The following PCBD2 variants were observed in gnomAD, a reference collection of about 807,000 sequenced individuals.
The protein encoded by PCBD2 is pterin-4 alpha-carbinolamine dehydratase 2.
In PCBD2, 12 loss-of-function variants were observed where a neutral mutation model predicts 16.4. The observed-to-expected ratio is 0.73, with a 90% CI of 0.47 to 1.19. The LOEUF (loss-of-function observed/expected upper bound fraction) is 1.19, where lower values mean the gene tolerates loss of function less well. Ranked by LOEUF, PCBD2 falls within the 50% of genes most tolerant of loss-of-function variation. The pLI, the probability that PCBD2 is intolerant of heterozygous loss-of-function variation, is 0.00. For missense variants in PCBD2, 138 were observed against 156.8 expected (o/e 0.88, Z 0.64); for synonymous variants, 58 against 61.8 (o/e 0.94, Z 0.29).
At chr5:134,923,588 T>G (rs1298618061) in intron 2 of PCBD2, 1 of 341,300 alleles carries the variant, frequency 2.9e-6, no homozygotes, top group East Asian at 4.4e-5. Flanking sequence ...TTCCGATGTA[T>G]GGGACGGCGG....
At chr5:134,915,773 C>T (rs1227503446) in intron 2 of PCBD2, among the ~76,000 whole-genome samples, 2 of 152,078 alleles carry the variant, frequency 1.3e-5, no homozygotes, top group Admixed American at 1.3e-4. Context: ...TTGTGAGCAG[C>T]CATTTCCATG....
Position 134,925,853 on chromosome 5 carries a change from G to C in PCBD2, c.216+15387G>C, listed in dbSNP as rs529792422. 7.6e-6 allele frequency: 3 copies of C among 394,170 alleles called. No homozygotes were observed. The East Asian group carries it at 1.1e-4, about 14-fold the overall frequency. 24.4% of individuals were successfully genotyped at this position (394,170 alleles called of 1,614,324 possible). The stretch of plus-strand genomic sequence containing the variant: ...GTGAGGCTTGGATTAGCACTTAGGA[G>C]GGTTATTTGTTGTGGGTCTCATGAG... On this transcript the variant is annotated intron_variant, in intron 2 of 3. Coordinates refer to ENST00000254908, the MANE Select transcript of PCBD2 (RefSeq NM_032151.5).
At chr5:134,933,185 C>T (rs1028610347) in intron 2 of PCBD2, among the ~76,000 whole-genome samples, 1 of 152,144 alleles carries the variant, frequency 6.6e-6, no homozygotes, top group Non-Finnish European at 1.5e-5. Context: ...TTGCTTCTTT[C>T]ATTTCATGTA....
chr5:134,920,945 C>T (rs1004198372), intron 2 of PCBD2, among the ~76,000 whole-genome samples: 6 of 152,360 alleles, frequency 3.9e-5, no homozygotes, highest in Middle Eastern at 3.4e-3. Flanking sequence ...GGAATACAGG[C>T]GTTGAGCCCA....
intron 2 of PCBD2, chr5:134,923,294 G>A (rs1008266853): frequency 1.3e-5 from 2 of 155,862 alleles, no homozygotes; most frequent in East Asian, 1.9e-4. Flanking sequence ...AGCATGGTTA[G>A]GGAAGGCCTA....
chr5:134,955,499 G>T (rs891219938), intron 2 of PCBD2, among the ~76,000 whole-genome samples: 1 of 151,656 alleles, frequency 6.6e-6, no homozygotes, highest in Admixed American at 6.6e-5. Flanking sequence ...GTAGAAATGG[G>T]GTTTCACCAT....
At chr5:134,935,182 C>G (rs1751144557) in intron 2 of PCBD2, among the ~76,000 whole-genome samples, 2 of 152,162 alleles carry the variant, frequency 1.3e-5, no homozygotes, top group African/African-American at 2.4e-5. Flanking sequence ...CATTTAACCT[C>G]AAAAGAATGA....
At chr5:134,931,432 A>G (rs1025506788) in intron 2 of PCBD2, among the ~76,000 whole-genome samples, 1 of 152,140 alleles carries the variant, frequency 6.6e-6, no homozygotes, top group Non-Finnish European at 1.5e-5. Context: ...TGAACTAATG[A>G]GTGTTTGAGT....
At chr5:134,923,741 A>C (rs879149600) in intron 2 of PCBD2, 4 of 391,066 alleles carry the variant, frequency 1.0e-5, no homozygotes, top group African/African-American at 8.3e-5. Context: ...ATGAGCCGTA[A>C]TATAGGCCTC....
At chr5:134,929,703 G>A (rs1751069247) in intron 2 of PCBD2, among the ~76,000 whole-genome samples, 1 of 152,074 alleles carries the variant, frequency 6.6e-6, no homozygotes, top group South Asian at 2.1e-4. Flanking sequence ...TAAAAACATT[G>A]TTTTTAGAGA....
chr5:134,931,832 A>G (rs1475846399), intron 2 of PCBD2, among the ~76,000 whole-genome samples: 1 of 152,254 alleles, frequency 6.6e-6, no homozygotes, highest in Non-Finnish European at 1.5e-5. Context: ...AAGGAGGCGT[A>G]TGTTATTTGC....
intron 2 of PCBD2, among the ~76,000 whole-genome samples, chr5:134,942,803 A>C (rs1304004311): frequency 3.3e-5 from 5 of 152,186 alleles, no homozygotes; most frequent in Non-Finnish European, 7.3e-5. Flanking sequence ...AATGCAGCCC[A>C]GCCAAGTCAT....
chr5:134,927,595 A>G (rs1403744857), intron 2 of PCBD2: 13 of 396,468 alleles, frequency 3.3e-5, no homozygotes, highest in Admixed American at 2.7e-4. Context: ...AATAGGAAGT[A>G]TGTACCTGCG....
chr5:134,925,812 G>A (rs1750985189), intron 2 of PCBD2: 1 of 395,382 alleles, frequency 2.5e-6, no homozygotes, highest in Non-Finnish European at 4.5e-6. Context: ...CTGCTAGGAG[G>A]AAGCCTAGTA....
intron 2 of PCBD2, among the ~76,000 whole-genome samples, chr5:134,933,949 T>C (rs1219992593): frequency 6.6e-6 from 1 of 152,198 alleles, no homozygotes; most frequent in Admixed American, 6.5e-5. Flanking sequence ...GTAGGAAATA[T>C]TTTCACAGAA....
chr5:134,934,284 A>T (rs980696911), intron 2 of PCBD2, among the ~76,000 whole-genome samples: 4 of 151,860 alleles, frequency 2.6e-5, no homozygotes, highest in Non-Finnish European at 5.9e-5. Context: ...AAAAAAAAAA[A>T]TTTCACTTGG....
intron 2 of PCBD2, among the ~76,000 whole-genome samples, chr5:134,957,077 A>G (rs1467877186): frequency 6.6e-6 from 1 of 152,104 alleles, no homozygotes; most frequent in Non-Finnish European, 1.5e-5. Context: ...AGCCTGGCCA[A>G]GATAGTGAAA....
At chr5:134,916,534 T>C (rs1232607047) in intron 2 of PCBD2, among the ~76,000 whole-genome samples, 1 of 152,204 alleles carries the variant, frequency 6.6e-6, no homozygotes, top group Admixed American at 6.5e-5. Context: ...TTTGGAAATA[T>C]TTCAGTGACC....
rs892886164 is a variant in PCBD2 at position 134,959,848 on chromosome 5, A to C, written c.297+728A>C. Among the ~76,000 whole-genome samples, 200 of 140,556 alleles carry C rather than the reference A, an allele frequency of 1.4e-3. 3 individuals carry two copies. Among genetic ancestry groups the C allele is most frequent in the Admixed American group, 5.7e-4 (8 of 13,976 alleles). The allele number at this position is 140,556 out of a possible 152,430, so 92.2% of individuals were successfully genotyped here. On this transcript the variant is annotated intron_variant, in intron 3 of 3. Transcript: ENST00000254908. ...TCAGTTCATCAAGAAACAGCATTCC[A>C]TCCTTTACTCCCATTTCCCTAATTT... is the stretch of plus-strand genomic sequence containing the variant.
Sources: allele counts gnomAD v4.1 joint callset (sites outside exome capture counted in the v4.1 genomes callset), GRCh38; gene constraint gnomAD v4.1.1; transcripts MANE v1.5; gene names NCBI Gene and HGNC (gene_info 2026-07-23, HGNC 2026-07-21).